Variants in PRORP observed in about 807,000 individuals in gnomAD.
The protein encoded by PRORP is mitochondrial ribonuclease P catalytic subunit.
PRORP carries 51 observed loss-of-function variants against 59.4 expected under a neutral mutation model. The ratio of observed to expected loss-of-function variants is 0.86; its 90% CI spans 0.69 to 1.08. The LOEUF is 1.08. Ranked by LOEUF, PRORP falls within the 50% of genes least tolerant of loss-of-function variation. The pLI is 0.00. For missense variants in PRORP, 646 were observed against 690.3 expected, an observed-to-expected ratio of 0.94 and a Z score of 0.72; for synonymous variants, 231 against 245.6, an observed-to-expected ratio of 0.94 and a Z score of 0.55.
At chr14:35,127,706 T>C (rs1402827152) in intron 4 of PRORP, 95 bp downstream of exon 4, 1 of 1,340,134 alleles carries the variant, frequency 7.5e-7, no homozygotes, top group East Asian at 2.5e-5. Flanking sequence ...ATTTTAGGCT[T>C]TGTAGGTCAT....
intron 5 of PRORP, among the ~76,000 whole-genome samples, chr14:35,187,870 C>T (rs1314144345): frequency 2.0e-5 from 3 of 150,216 alleles, no homozygotes; most frequent in Non-Finnish European, 4.4e-5. Context: ...TTTTTTGAGA[C>T]AGAGTCTCGC....
intron 6 of PRORP, among the ~76,000 whole-genome samples, chr14:35,268,154 C>T (rs961730162): frequency 6.6e-6 from 1 of 151,966 alleles, no homozygotes; most frequent in African/African-American, 2.4e-5. Flanking sequence ...TTGAGACCAG[C>T]CTGGCCAACA....
intron 4 of PRORP, chr14:35,158,240 A>G (rs2047967466): frequency 4.0e-6 from 1 of 249,382 alleles, no homozygotes; most frequent in Admixed American, 5.7e-5. Flanking sequence ...CAACTCCATT[A>G]TAAGTCACAA....
At chr14:35,160,542 A>G (rs2048031345) in intron 4 of PRORP, among the ~76,000 whole-genome samples, 1 of 152,202 alleles carries the variant, frequency 6.6e-6, no homozygotes, top group East Asian at 1.9e-4. Flanking sequence ...AAAATTAGCA[A>G]TAGAATTGAG....
intron 5 of PRORP, among the ~76,000 whole-genome samples, chr14:35,243,613 T>C (rs1169197756): frequency 6.6e-6 from 1 of 152,052 alleles, no homozygotes; most frequent in East Asian, 1.9e-4. Flanking sequence ...GAGAGTTATA[T>C]GCTACAAGAA....
intron 5 of PRORP, among the ~76,000 whole-genome samples, chr14:35,219,998 T>C (rs764357063): frequency 1.3e-5 from 2 of 152,246 alleles, no homozygotes; most frequent in Non-Finnish European, 2.9e-5. Context: ...GTGTTGTCTC[T>C]TTTTGTCTCA....
chr14:35,170,322 G>T (rs74462466), intron 4 of PRORP, among the ~76,000 whole-genome samples: 3 of 151,814 alleles, frequency 2.0e-5, no homozygotes, highest in Non-Finnish European at 4.4e-5. Context: ...CTCCTTTTGG[G>T]TTAATTGAAT....
rs959027663 is a variant in PRORP, at chr14:35,276,854, C to G, written c.*3288C>G. On this transcript the variant is annotated 3_prime_UTR_variant, in exon 8 of 8. Transcript: ENST00000534898. ...ACTTTTCCTCCTGCTGTTCTCAGACCCAGTGGAAAGAAAATCTCAAGGAAG... is the reference window on the plus strand; with the variant it reads ...ACTTTTCCTCCTGCTGTTCTCAGACGCAGTGGAAAGAAAATCTCAAGGAAG... 1.3e-5 allele frequency: 2 copies of G among 152,036 alleles called. No homozygotes were observed. The highest frequency in any genetic ancestry group is 4.8e-5 in the African/African-American group (2 of 41,386). 9.4% of individuals were successfully genotyped at this position (152,036 alleles called of 1,614,324 possible).
At chr14:35,175,743 A>G (rs183192295) in intron 4 of PRORP, among the ~76,000 whole-genome samples, 2 of 151,938 alleles carry the variant, frequency 1.3e-5, no homozygotes, top group Non-Finnish European at 2.9e-5. Flanking sequence ...TCTTGAGTTT[A>G]ATTAGATCCC....
Position 35,126,630 on chromosome 14 carries a change from A to G in PRORP, c.987-105A>G, listed in dbSNP as rs550875315. On this transcript the variant is annotated intron_variant, in intron 2 of 7. Coordinates refer to ENST00000534898, the MANE Select transcript of PRORP (RefSeq NM_014672.4). ...AAACCATTCTACAGAAGTATCTTGA[A>G]CTTTTCGGACTTCTTGCTTATAAGA... The G allele has an allele frequency of 8.7e-4, 711 of 815,648 alleles. 1 individual carries two copies. Among genetic ancestry groups the G allele is most frequent in the Non-Finnish European group, 1.1e-3 (580 of 508,956 alleles). The allele number at this position is 815,648 out of a possible 1,614,324, so 50.5% of individuals were successfully genotyped here.
intron 5 of PRORP, among the ~76,000 whole-genome samples, chr14:35,256,350 A>T (rs201910793): frequency 0.29 from 23,587 of 81,442 alleles, 4,080 homozygotes; most frequent in African/African-American, 0.51. Flanking sequence ...TTTTTTTTTT[A>T]AGACAGAGTC....
At chr14:35,256,103 G>A (rs1400508755) in intron 5 of PRORP, among the ~76,000 whole-genome samples, 1 of 151,334 alleles carries the variant, frequency 6.6e-6, no homozygotes, top group Non-Finnish European at 1.5e-5. Context: ...GGCCAACATG[G>A]TGAAACCCCA....
At chr14:35,168,896 A>C (rs1450953414) in intron 4 of PRORP, among the ~76,000 whole-genome samples, 5 of 152,010 alleles carry the variant, frequency 3.3e-5, no homozygotes, top group Non-Finnish European at 1.5e-5. Flanking sequence ...ACTATTTAGA[A>C]ATATTTTGTG....
chr14:35,166,956 T>C (rs537526598), intron 4 of PRORP, among the ~76,000 whole-genome samples: 2 of 152,266 alleles, frequency 1.3e-5, no homozygotes, highest in Non-Finnish European at 2.9e-5. Flanking sequence ...CATCAGGATA[T>C]TACTCCAGTT....
intron 5 of PRORP, among the ~76,000 whole-genome samples, chr14:35,204,835 C>T (rs1214160842): frequency 1.3e-5 from 2 of 152,170 alleles, no homozygotes; most frequent in East Asian, 3.8e-4. Flanking sequence ...TTGACTTATT[C>T]ATAATGGCCC....
chr14:35,152,908 TG>T (rs1206455507), intron 4 of PRORP, among the ~76,000 whole-genome samples: 9 of 134,524 alleles, frequency 6.7e-5, no homozygotes, highest in African/African-American at 2.6e-4. Flanking sequence ...CTTCCCAGAC[TG>T]GGCAGCCGGG....
At chr14:35,269,410 A>G (rs2051129819) in intron 6 of PRORP, among the ~76,000 whole-genome samples, 2 of 152,290 alleles carry the variant, frequency 1.3e-5, no homozygotes, top group South Asian at 4.1e-4. Flanking sequence ...TGAAATTCCA[A>G]ACTCAGTTGT....
At chr14:35,153,472 C>T (rs1261824871) in intron 4 of PRORP, among the ~76,000 whole-genome samples, 1 of 152,024 alleles carries the variant, frequency 6.6e-6, no homozygotes, top group Non-Finnish European at 1.5e-5. Context: ...TTTTGCTAAA[C>T]CTCAGAGAGG....
intron 5 of PRORP, among the ~76,000 whole-genome samples, chr14:35,234,187 C>T (rs1198757049): frequency 2.0e-5 from 3 of 152,180 alleles, no homozygotes; most frequent in Middle Eastern, 3.4e-3. Context: ...TTTACTTGCA[C>T]GTCATTGTAG....
Sources: gnomAD v4.1 joint callset for allele counts (sites outside exome capture counted in the v4.1 genomes callset) on GRCh38, gnomAD v4.1.1 for gene constraint, MANE v1.5 for transcripts, NCBI Gene and HGNC (gene_info 2026-07-23, HGNC 2026-07-21) for gene names.